DLGAP3: variants seen among roughly 807,000 people sequenced by gnomAD.
The protein encoded by DLGAP3 is disks large-associated protein 3.
A neutral mutation model predicts 81.2 loss-of-function variants in DLGAP3; 17 were observed. That is an observed-to-expected ratio of 0.21 (90% CI 0.14 to 0.31). The LOEUF is 0.31. DLGAP3 is among the 10% of genes least tolerant of loss of function. The pLI is 1.00. For synonymous variants in DLGAP3, 577 were observed against 587.4 expected (o/e 0.98, Z 0.26); for missense variants, 1,124 against 1,388.0 (o/e 0.81, Z 3.02).
Position 34,904,473 on chromosome 1 carries a change from C to A in DLGAP3, c.911G>T (p.Arg304Leu). Residue 304 changes from arginine (R) to leucine (L), a missense_variant, in exon 3 of 12, where the codon CGC becomes CTC. Physicochemically the swap from Arg to Leu is moderately radical, Grantham distance 102. This residue lies in a region of DLGAP3 where 357 missense variants were observed against 408.8 expected (regional missense o/e 0.87). Transcript: ENST00000373347. This position sits in a 1 kb window ranked among gnomAD's most constrained non-coding sequence, Gnocchi z 8.1. ...GCAGCGGCCTTCCGACCCGCCCGAGCGCCCCTTGAAGCTCAAGTCCCGGTA... is the reference window on the plus strand; with the variant it reads ...GCAGCGGCCTTCCGACCCGCCCGAGAGCCCCTTGAAGCTCAAGTCCCGGTA... ...GSYRDLSFKGRSGGSEGRCLA... is the reference protein window; with the variant it reads ...GSYRDLSFKGLSGGSEGRCLA... 6.2e-7 allele frequency: 1 copy of A among 1,614,176 alleles called. No homozygotes were observed. Among genetic ancestry groups the A allele is most frequent in the South Asian group, 1.1e-5 (1 of 91,092 alleles).
intron 1 of DLGAP3, among the ~76,000 whole-genome samples, chr1:34,924,637 G>C (rs1157004011): frequency 1.3e-5 from 2 of 152,128 alleles, no homozygotes. Context: ...GTGAAAGGCT[G>C]GTATCAATAT....
At chr1:34,928,050 G>A (rs189176865) in intron 1 of DLGAP3, among the ~76,000 whole-genome samples, 41 of 152,294 alleles carry the variant, frequency 2.7e-4, no homozygotes, top group African/African-American at 6.0e-4. Context: ...ATGGCTTAAC[G>A]TGATACCTGT....
intron 5 of DLGAP3, among the ~76,000 whole-genome samples, chr1:34,886,517 A>T (rs897822379): frequency 2.3e-5 from 2 of 86,360 alleles, no homozygotes; most frequent in South Asian, 4.2e-4. Context: ...TAAATATCCC[A>T]CCCCCACCCC....
intron 1 of DLGAP3, among the ~76,000 whole-genome samples, chr1:34,912,771 G>A (rs951435312): frequency 6.6e-6 from 1 of 152,142 alleles, no homozygotes. Flanking sequence ...ATTGTGCCTC[G>A]GTTTCTCTGT....
At chr1:34,887,287 G>A (rs1022786654) in intron 5 of DLGAP3, among the ~76,000 whole-genome samples, 4 of 151,836 alleles carry the variant, frequency 2.6e-5, no homozygotes, top group Admixed American at 6.6e-5. Context: ...CCACTCACTC[G>A]GGTTCTGGCT....
Position 34,900,306 on chromosome 1 carries a change from T to G in DLGAP3, c.1108-33A>C, listed in dbSNP as rs368040589. Reference sequence around the variant, plus strand: ...AACAGGGGTCTCTGTCTCTCAGACATGACCCTAGTAAATCTAGAGGCCAGG... The same window carrying G: ...AACAGGGGTCTCTGTCTCTCAGACAGGACCCTAGTAAATCTAGAGGCCAGG... On this transcript the variant is annotated intron_variant, in intron 3 of 11. Coordinates refer to ENST00000373347, the MANE Select transcript of DLGAP3 (RefSeq NM_001080418.3). The surrounding 1 kb of genome is among the most constrained non-coding windows in gnomAD (Gnocchi z 5.6). The G allele has an allele frequency of 3.8e-6, 6 of 1,598,756 alleles. No homozygotes were observed. The African/African-American group carries it at 5.4e-5, about 14-fold the overall frequency.
chr1:34,878,996 T>C lies in DLGAP3; in HGVS notation c.2000+5982A>G, dbSNP rs1391562017. Reference sequence around the variant, plus strand: ...CTGAGGCAGGAGAATGGCGTGAACCTAGGAGGCGGAGCTTGCAGTGAGCCG... The same window carrying C: ...CTGAGGCAGGAGAATGGCGTGAACCCAGGAGGCGGAGCTTGCAGTGAGCCG... On this transcript the variant is annotated intron_variant, in intron 8 of 11. Transcript: ENST00000373347. Among the ~76,000 whole-genome samples the C allele has an allele frequency of 3.4e-5, 5 of 148,530 alleles. No homozygotes were observed. The East Asian group carries it at 7.9e-4, about 24-fold the overall frequency.
At chr1:34,914,660 T>C (rs1192354752) in intron 1 of DLGAP3, among the ~76,000 whole-genome samples, 1 of 152,244 alleles carries the variant, frequency 6.6e-6, no homozygotes, top group Non-Finnish European at 1.5e-5. Context: ...CTCATTGTGA[T>C]GTTACAAGGA....
At position 34,905,417 on chromosome 1, in the gene DLGAP3, C is replaced by A; in HGVS notation, c.-34G>T. 1 of 1,528,658 alleles carries A rather than the reference C, an allele frequency of 6.5e-7. No homozygotes were observed. Among genetic ancestry groups the A allele is most frequent in the Non-Finnish European group, 8.8e-7 (1 of 1,135,904 alleles). The allele number at this position is 1,528,658 out of a possible 1,614,324, so 94.7% of individuals were successfully genotyped here. A position where few individuals can be genotyped will look rare whatever the true frequency, so the allele number is the denominator to read the frequency against. ...CAAAGGCTCTTCATAGTCTTGGGGGCCAGGCCCCAGGAACCTCCTGGAAAA... is the reference window on the plus strand; with the variant it reads ...CAAAGGCTCTTCATAGTCTTGGGGGACAGGCCCCAGGAACCTCCTGGAAAA... On this transcript the variant is annotated 5_prime_UTR_variant, in exon 3 of 12. Coordinates refer to ENST00000373347, the MANE Select transcript of DLGAP3 (RefSeq NM_001080418.3).
intron 5 of DLGAP3, among the ~76,000 whole-genome samples, chr1:34,890,377 A>G (rs926302663): frequency 6.6e-6 from 1 of 152,222 alleles, no homozygotes; most frequent in African/African-American, 2.4e-5. Context: ...CCTCTGAAAT[A>G]GCTCCTAATG....
At chr1:34,876,015 C>T (rs1354151312) in intron 8 of DLGAP3, among the ~76,000 whole-genome samples, 2 of 152,266 alleles carry the variant, frequency 1.3e-5, no homozygotes, top group Non-Finnish European at 2.9e-5. Context: ...TAATGAGATT[C>T]TTAGATTAAC....
At chr1:34,878,112 C>G (rs547062483) in intron 8 of DLGAP3, among the ~76,000 whole-genome samples, 1 of 152,276 alleles carries the variant, frequency 6.6e-6, no homozygotes, top group East Asian at 1.9e-4. Flanking sequence ...CGCGACCAGC[C>G]TGGCCAACAT....
At chr1:34,894,633 A>T (rs1392988195) in intron 5 of DLGAP3, among the ~76,000 whole-genome samples, 3 of 152,226 alleles carry the variant, frequency 2.0e-5, no homozygotes, top group Admixed American at 6.5e-5. Flanking sequence ...TTCCCACAAT[A>T]AGCTAAACTG....
At chr1:34,896,706 A>C (rs1304897415) in intron 5 of DLGAP3, among the ~76,000 whole-genome samples, 1 of 152,230 alleles carries the variant, frequency 6.6e-6, no homozygotes, top group Non-Finnish European at 1.5e-5. Context: ...TATGCATATG[A>C]AAATTATAAG....
At position 34,867,460 on chromosome 1, in the gene DLGAP3, C is replaced by T; in HGVS notation, c.2577+76G>A. The T allele has an allele frequency of 7.5e-7, 1 of 1,341,712 alleles. No individual in the cohort carries two copies. The highest frequency in any genetic ancestry group is 1.1e-6 in the Non-Finnish European group (1 of 931,574). 83.1% of individuals were successfully genotyped at this position (1,341,712 alleles called of 1,614,324 possible). On this transcript the variant is annotated intron_variant, in intron 10 of 11. Transcript: ENST00000373347. The surrounding 1 kb of genome is among the most constrained non-coding windows in gnomAD (Gnocchi z 4.3). The stretch of plus-strand genomic sequence containing the variant: ...CTGGTACACACTCACTCTGGGTCAC[C>T]TGCCTGTCTCACCTCCAGCACACAC...
chr1:34,868,217 T>C lies in DLGAP3; in HGVS notation c.2485+388A>G, dbSNP rs1379481096. On this transcript the variant is annotated intron_variant, in intron 9 of 11. Transcript: ENST00000373347. This position sits in a 1 kb window ranked among gnomAD's most constrained non-coding sequence, Gnocchi z 7.5. ...CTGTGCCTCAGACAGGATCTGACATTGTGAACTGCCTCCCTCTCTGTAATC... is the reference window on the plus strand; with the variant it reads ...CTGTGCCTCAGACAGGATCTGACATCGTGAACTGCCTCCCTCTCTGTAATC... Among the ~76,000 whole-genome samples, 3 of 152,146 alleles carry C rather than the reference T, an allele frequency of 2.0e-5. No individual in the cohort carries two copies. Among genetic ancestry groups the C allele is most frequent in the African/African-American group, 7.2e-5 (3 of 41,432 alleles).
At position 34,867,006 on chromosome 1, in the gene DLGAP3, C is replaced by T. The variant is rs770217735; in HGVS notation, c.2721+42G>A. The T allele has an allele frequency of 1.2e-5, 19 of 1,613,158 alleles. No homozygotes were observed. The highest frequency in any genetic ancestry group is 1.2e-5 in the Non-Finnish European group (14 of 1,179,312). ...TCCACCTCTCTGGGGAGGGGAATTT[C>T]CCAGAGTCTGGCCTCTTTGCCTGAA... On this transcript the variant is annotated intron_variant, in intron 11 of 11. Transcript: ENST00000373347. This position sits in a 1 kb window ranked among gnomAD's most constrained non-coding sequence, Gnocchi z 4.3.
chr1:34,918,275 G>A (rs1222036047), intron 1 of DLGAP3, among the ~76,000 whole-genome samples: 6 of 152,194 alleles, frequency 3.9e-5, no homozygotes, highest in Admixed American at 6.5e-5. Flanking sequence ...CCACCCTTCC[G>A]AAGTCCTTCC....
intron 1 of DLGAP3, among the ~76,000 whole-genome samples, chr1:34,918,188 T>G (rs562935841): frequency 6.6e-6 from 1 of 152,048 alleles, no homozygotes; most frequent in Admixed American, 6.5e-5. Context: ...CCTTTCCATG[T>G]GGAAATGAAG....
Sources: gnomAD v4.1 joint callset for allele counts (sites outside exome capture counted in the v4.1 genomes callset) on GRCh38, gnomAD v4.1.1 for gene constraint, gnomAD v4.1.1 regional missense constraint, Gnocchi (gnomAD v3.1) non-coding constraint, MANE v1.5 for transcripts, NCBI Gene and HGNC (gene_info 2026-07-23, HGNC 2026-07-21) for gene names.